MKNK2: variants seen among roughly 807,000 people sequenced by gnomAD.
MKNK2 encodes the protein MAP kinase-interacting serine/threonine-protein kinase 2.
In MKNK2, 54 loss-of-function variants were observed where a neutral mutation model predicts 55.0. The ratio of observed to expected loss-of-function variants is 0.98; its 90% CI spans 0.79 to 1.23. The LOEUF is 1.23. MKNK2 is among the 50% of genes most tolerant of loss of function. The pLI, the probability that MKNK2 is intolerant of heterozygous loss-of-function variation, is 0.00. For missense variants in MKNK2, 685 were observed against 632.1 expected (o/e 1.08, Z -0.90); for synonymous variants, 323 against 256.0 (o/e 1.26, Z -2.50).
intron 10 of MKNK2, 116 bp from the exon 11 acceptor site, chr19:2,042,150 G>A (rs1321826263): frequency 1.9e-5 from 20 of 1,049,148 alleles, no homozygotes; most frequent in African/African-American, 3.4e-5. Context: ...CGCCGGGCCC[G>A]ACCAATCAGC....
intron 2 of MKNK2, among the ~76,000 whole-genome samples, chr19:2,047,980 C>A (rs959215418): frequency 6.6e-6 from 1 of 152,164 alleles, no homozygotes; most frequent in African/African-American, 2.4e-5. Flanking sequence ...TCCAGCCCCC[C>A]AACCCCGCAG....
chr19:2,042,551 T>C, intron 9 of MKNK2, 29 bp from the exon 10 acceptor site: 3 of 1,581,988 alleles, frequency 1.9e-6, no homozygotes, highest in Non-Finnish European at 2.6e-6. Flanking sequence ...TCCGTGAGCC[T>C]GGGGTCCCAC....
chr19:2,047,148 C>G (rs963493349), intron 2 of MKNK2, among the ~76,000 whole-genome samples: 3 of 152,174 alleles, frequency 2.0e-5, no homozygotes, highest in Non-Finnish European at 4.4e-5. Flanking sequence ...GACGCAGAGT[C>G]TCTTAGGGGG....
intron 5 of MKNK2, among the ~76,000 whole-genome samples, chr19:2,045,133 A>G (rs73916839): frequency 0.01 from 1,588 of 152,244 alleles, 25 homozygotes; most frequent in African/African-American, 0.036. Context: ...CACCTCCAGC[A>G]GGAAGTCCCC....
At chr19:2,046,973 T>C (rs938128324) in intron 2 of MKNK2, among the ~76,000 whole-genome samples, 6 of 152,146 alleles carry the variant, frequency 3.9e-5, no homozygotes, top group African/African-American at 1.4e-4. Flanking sequence ...TTTTTAAATT[T>C]ATGTTTTGTA....
intron 2 of MKNK2, 75 bp from the exon 3 acceptor site, chr19:2,046,766 G>T: frequency 8.3e-7 from 1 of 1,201,504 alleles, no homozygotes; most frequent in Non-Finnish European, 1.1e-6. Flanking sequence ...TCCTGCCCCA[G>T]TGTCGCAGCG....
rs1476889202 is a variant in MKNK2 at position 2,040,539 on chromosome 19, G to A, written c.1111-362C>T. ...GGATGCTTCTGCAAGGAGATTGGAG[G>A]CCCCCAGCCCCTCGCCTGGGGACAC... On this transcript the variant is annotated intron_variant, in intron 12 of 13. Coordinates refer to ENST00000250896, the MANE Select transcript of MKNK2 (RefSeq NM_199054.3). 1.9e-5 allele frequency: 6 copies of A among 320,808 alleles called. No individual in the cohort carries two copies. The East Asian group carries it at 3.1e-4, about 17-fold the overall frequency. The allele number at this position is 320,808 out of a possible 1,614,324, so 19.9% of individuals were successfully genotyped here. A position where few individuals can be genotyped will look rare whatever the true frequency, so the allele number is the denominator to read the frequency against.
At chr19:2,042,201 A>G (rs1282782149) in intron 10 of MKNK2, 167 bp from the exon 11 acceptor site, 8 of 738,956 alleles carry the variant, frequency 1.1e-5, no homozygotes, top group Non-Finnish European at 1.7e-5. Flanking sequence ...GCAGGTGCAG[A>G]GCTCGCCCCT....
chr19:2,042,171 A>G (rs959721844), intron 10 of MKNK2, 137 bp from the exon 11 acceptor site: 1 of 867,808 alleles, frequency 1.2e-6, no homozygotes, highest in African/African-American at 1.8e-5. Flanking sequence ...GGCTGCCGGG[A>G]ACGCGCCCCC....
At chr19:2,045,990 G>C (rs2016986962) in intron 5 of MKNK2, among the ~76,000 whole-genome samples, 196 bp downstream of exon 5, 1 of 152,204 alleles carries the variant, frequency 6.6e-6, no homozygotes, top group East Asian at 1.9e-4. Flanking sequence ...CAGTGCCTCT[G>C]TCTGAAGCCC....
chr19:2,045,590 CCCTG>C (rs2145691276), intron 5 of MKNK2, among the ~76,000 whole-genome samples: 1 of 152,266 alleles, frequency 6.6e-6, no homozygotes, highest in South Asian at 2.1e-4. Flanking sequence ...TCCTGGCGAG[CCCTG>C]CTCGCCAGGG....
At position 2,037,811 on chromosome 19, in the gene MKNK2, G is replaced by A. The variant is rs775781927; in HGVS notation, c.*1802C>T. 42 of 1,600,774 alleles carry A rather than the reference G, an allele frequency of 2.6e-5. No individual in the cohort carries two copies. Among genetic ancestry groups the A allele is most frequent in the Non-Finnish European group, 3.5e-5 (41 of 1,172,838 alleles). On this transcript the variant is annotated 3_prime_UTR_variant, in exon 14 of 14. Coordinates refer to ENST00000250896, the MANE Select transcript of MKNK2 (RefSeq NM_199054.3). ...GGATGCGACAGGGGTGGGGAGGGAGGAGGAAGTGACTGTCCCACCTTCAGA... is the reference window on the plus strand; with the variant it reads ...GGATGCGACAGGGGTGGGGAGGGAGAAGGAAGTGACTGTCCCACCTTCAGA...
chr19:2,042,180 C>T, intron 10 of MKNK2, 146 bp from the exon 11 acceptor site: 2 of 810,272 alleles, frequency 2.5e-6, no homozygotes, highest in Admixed American at 3.6e-5. Context: ...GAACGCGCCC[C>T]CGCCCAATCA....
rs544764852 is a variant in MKNK2 at position 2,037,783 on chromosome 19, C to G, written c.*1830G>C. 5 of 1,604,544 alleles carry G rather than the reference C, an allele frequency of 3.1e-6. No homozygotes were observed. Among genetic ancestry groups the G allele is most frequent in the Admixed American group, 1.7e-5 (1 of 59,488 alleles). ...GTTCTGACCAGTCCTCCAGGTCGCA[C>G]GTGGATGCGACAGGGGTGGGGAGGG... is the stretch of plus-strand genomic sequence containing the variant. On this transcript the variant is annotated 3_prime_UTR_variant, in exon 14 of 14. Coordinates refer to ENST00000250896, the MANE Select transcript of MKNK2 (RefSeq NM_199054.3).
At chr19:2,050,669 G>A (rs575855340) in intron 2 of MKNK2, 132 bp downstream of exon 2, 2 of 790,756 alleles carry the variant, frequency 2.5e-6, no homozygotes, top group South Asian at 1.9e-5. Flanking sequence ...GCCGGCCCGG[G>A]CAGCCCCGGG....
At chr19:2,042,159 G>A (rs2016900913) in intron 10 of MKNK2, 125 bp from the exon 11 acceptor site, 1 of 970,330 alleles carries the variant, frequency 1.0e-6, no homozygotes, top group Non-Finnish European at 1.4e-6. Context: ...CGACCAATCA[G>A]CGGCTGCCGG....
Position 2,046,175 on chromosome 19 carries a change from C to G in MKNK2, c.339+11G>C. ...AGGCGCTGGGTTCCCCAGGGCGCGG[C>G]GCGGGCCCACCTTGACGGCGTACTC... On this transcript the variant is annotated intron_variant, in intron 5 of 13. Coordinates refer to ENST00000250896, the MANE Select transcript of MKNK2 (RefSeq NM_199054.3). The G allele has an allele frequency of 1.9e-6, 3 of 1,607,122 alleles. No individual in the cohort carries two copies. The highest frequency in any genetic ancestry group is 1.1e-5 in the South Asian group (1 of 91,058).
At chr19:2,040,102 T>C in intron 13 of MKNK2, 32 bp downstream of exon 13, 2 of 1,568,054 alleles carry the variant, frequency 1.3e-6, no homozygotes, top group Non-Finnish European at 8.7e-7. Flanking sequence ...CCCCCTGGAC[T>C]CAGGGGTCCC....
chr19:2,050,111 G>C (rs980902456), intron 2 of MKNK2, among the ~76,000 whole-genome samples: 3 of 152,108 alleles, frequency 2.0e-5, no homozygotes, highest in Admixed American at 6.5e-5. Flanking sequence ...CCCAGCACCT[G>C]CCCTCCCCTT....
Sources: gnomAD v4.1 joint callset for allele counts (sites outside exome capture counted in the v4.1 genomes callset) on GRCh38, gnomAD v4.1.1 for gene constraint, MANE v1.5 for transcripts, NCBI Gene and HGNC (gene_info 2026-07-23, HGNC 2026-07-21) for gene names.